Variants in NAALADL2 observed in about 807,000 individuals in gnomAD.
The protein encoded by NAALADL2 is inactive N-acetylated-alpha-linked acidic dipeptidase-like protein 2.
A neutral mutation model predicts 87.2 loss-of-function variants in NAALADL2; 76 were observed. The observed-to-expected ratio is 0.87, with a 90% confidence interval of 0.72 to 1.05. The LOEUF is 1.05. Among genes scored for constraint, NAALADL2 ranks in the 50% least tolerant of loss-of-function variants. The pLI is 0.00. For synonymous variants in NAALADL2, 354 were observed against 331.0 expected (o/e 1.07, Z -0.75); for missense variants, 1,089 against 945.8 (o/e 1.15, Z -1.99).
At chr3:174,974,406 G>A (rs1744094872) in intron 1 of NAALADL2, among the ~76,000 whole-genome samples, 1 of 152,148 alleles carries the variant, frequency 6.6e-6, no homozygotes, top group African/African-American at 2.4e-5. Context: ...TACAAGCAAT[G>A]CTTCTTATTT....
intron 2 of NAALADL2, among the ~76,000 whole-genome samples, chr3:174,706,226 G>A (rs909233171): frequency 6.6e-6 from 1 of 152,114 alleles, no homozygotes; most frequent in Admixed American, 6.5e-5. Flanking sequence ...TTCAAAAAAT[G>A]GTGCTGGGGC....
At chr3:175,447,189 T>C in intron 5 of NAALADL2, 40 bp from the exon 6 acceptor site, 1 of 1,405,196 alleles carries the variant, frequency 7.1e-7, no homozygotes, top group Non-Finnish European at 9.5e-7. Context: ...TTTAAATTTC[T>C]GTTTACTAAG....
At chr3:174,514,323 G>A (rs1445699371) in intron 1 of NAALADL2, among the ~76,000 whole-genome samples, 1 of 151,880 alleles carries the variant, frequency 6.6e-6, no homozygotes, top group East Asian at 1.9e-4. Context: ...CATAGTCTGA[G>A]GCAAGAGCAA....
intron 2 of NAALADL2, among the ~76,000 whole-genome samples, chr3:174,732,463 A>G (rs1360688046): frequency 6.6e-6 from 1 of 152,126 alleles, no homozygotes; most frequent in Non-Finnish European, 1.5e-5. Context: ...AAATCTATGG[A>G]AATGTTGAGT....
chr3:174,629,651 C>T (rs1200624352), intron 2 of NAALADL2, among the ~76,000 whole-genome samples: 2 of 152,210 alleles, frequency 1.3e-5, no homozygotes, highest in Non-Finnish European at 2.9e-5. Context: ...AATCCTAAAT[C>T]TGATACCGTT....
intron 2 of NAALADL2, among the ~76,000 whole-genome samples, chr3:174,621,814 C>T (rs1404734770): frequency 6.6e-6 from 1 of 152,034 alleles, no homozygotes; most frequent in Non-Finnish European, 1.5e-5. Context: ...TGACTGTTGG[C>T]AAAAGAGTCA....
chr3:174,680,447 C>T (rs1336160888), intron 2 of NAALADL2, among the ~76,000 whole-genome samples: 1 of 152,142 alleles, frequency 6.6e-6, no homozygotes, highest in Non-Finnish European at 1.5e-5. Context: ...AGCTTACTCC[C>T]ACATAGAATG....
At position 174,952,110 on chromosome 3, in the gene NAALADL2, T is replaced by C. The variant is rs182536011; in HGVS notation, c.43+92660T>C. On this transcript the variant is annotated intron_variant, in intron 1 of 13. Coordinates refer to ENST00000454872, the MANE Select transcript of NAALADL2 (RefSeq NM_207015.3). Reference sequence around the variant, plus strand: ...TTTTATTTGCTACATACTACATCTTTGGTACAACTAAATCTCCAGACCCGT... The same window carrying C: ...TTTTATTTGCTACATACTACATCTTCGGTACAACTAAATCTCCAGACCCGT... Among the ~76,000 whole-genome samples, 48 of 152,302 alleles carry C rather than the reference T, an allele frequency of 3.2e-4. 1 individual carries two copies. The highest frequency in any genetic ancestry group is 1.1e-3 in the Admixed American group (17 of 15,276).
At chr3:175,309,923 T>C (rs1758160992) in intron 4 of NAALADL2, among the ~76,000 whole-genome samples, 1 of 152,198 alleles carries the variant, frequency 6.6e-6, no homozygotes, top group Non-Finnish European at 1.5e-5. Flanking sequence ...CATGTCTCTC[T>C]TAATTGCTGG....
chr3:175,249,003 G>A (rs1483640198), intron 3 of NAALADL2, among the ~76,000 whole-genome samples: 1 of 151,848 alleles, frequency 6.6e-6, no homozygotes, highest in Non-Finnish European at 1.5e-5. Flanking sequence ...TTTTGGTCTA[G>A]AGTCAATGTT....
chr3:174,874,206 A>C (rs1324593007), intron 1 of NAALADL2, among the ~76,000 whole-genome samples: 1 of 152,170 alleles, frequency 6.6e-6, no homozygotes, highest in Non-Finnish European at 1.5e-5. Context: ...ACCAGATGGC[A>C]CGTGAGTACA....
At chr3:174,956,768 A>C (rs1163039873) in intron 1 of NAALADL2, among the ~76,000 whole-genome samples, 1 of 151,984 alleles carries the variant, frequency 6.6e-6, no homozygotes. Context: ...GTCCTTTTGC[A>C]CTGGAGATTG....
At chr3:175,626,180 T>C (rs1467315160) in intron 10 of NAALADL2, among the ~76,000 whole-genome samples, 3 of 151,966 alleles carry the variant, frequency 2.0e-5, no homozygotes, top group Non-Finnish European at 4.4e-5. Context: ...TCTTTGTTTC[T>C]ATTGGTTCAT....
intron 3 of NAALADL2, among the ~76,000 whole-genome samples, chr3:175,244,414 G>T (rs1747570421): frequency 1.3e-5 from 2 of 150,560 alleles, no homozygotes; most frequent in Non-Finnish European, 3.0e-5. Flanking sequence ...CAACCAAATG[G>T]GTTCAAATAG....
intron 2 of NAALADL2, among the ~76,000 whole-genome samples, chr3:174,726,517 C>T (rs1011407836): frequency 2.0e-5 from 3 of 151,896 alleles, no homozygotes; most frequent in African/African-American, 7.3e-5. Context: ...CTTTTTGATG[C>T]TCCTTTAAAT....
At position 175,013,286 on chromosome 3, in the gene NAALADL2, TATATATATATATATA is replaced by T. The variant is rs1296827887; in HGVS notation, c.44-83503_44-83489del. Among the ~76,000 whole-genome samples, 149 of 85,508 alleles carry T rather than the reference TATATATATATATATA, an allele frequency of 1.7e-3. 6 individuals carry two copies. The highest frequency in any genetic ancestry group is 9.6e-3 in the African/African-American group (145 of 15,160). The allele number at this position is 85,508 out of a possible 152,430, so 56.1% of individuals were successfully genotyped here. A position where few individuals can be genotyped will look rare whatever the true frequency, so the allele number is the denominator to read the frequency against. On this transcript the variant is annotated intron_variant, in intron 1 of 13. Coordinates refer to ENST00000454872, the MANE Select transcript of NAALADL2 (RefSeq NM_207015.3). ...ATATTTTTATATATATACATATATA[TATATATATATATATA>T]TTTTTTTTTTTTTTTGAGACAGGGT...
At chr3:174,466,371 A>G (rs1299090727) in intron 1 of NAALADL2, among the ~76,000 whole-genome samples, 2 of 151,286 alleles carry the variant, frequency 1.3e-5, no homozygotes, top group Non-Finnish European at 2.9e-5. Context: ...GTCCCAGGGA[A>G]GCCAAAAGAT....
In NAALADL2 at chr3:175,248,170, A is replaced by G. The variant is rs574046594; in HGVS notation, c.820-8241A>G. Among the ~76,000 whole-genome samples the G allele has an allele frequency of 2.0e-5, 3 of 152,292 alleles. No homozygotes were observed. In the South Asian group the frequency reaches 6.2e-4, roughly 32 times the overall value. On this transcript the variant is annotated intron_variant, in intron 3 of 13. Transcript: ENST00000454872. ...TCCGGATTACAGAGTCAGGCTGTCA[A>G]TCTTTGAATTACTGTTCTACTATTT...
chr3:175,408,438 C>T (rs1712846133), intron 5 of NAALADL2, among the ~76,000 whole-genome samples: 2 of 151,928 alleles, frequency 1.3e-5, no homozygotes, highest in Admixed American at 1.3e-4. Context: ...AAAATTTAAA[C>T]ATATATAAAA....
Sources: allele counts gnomAD v4.1 joint callset (sites outside exome capture counted in the v4.1 genomes callset), GRCh38; gene constraint gnomAD v4.1.1; transcripts MANE v1.5; gene names NCBI Gene and HGNC (gene_info 2026-07-23, HGNC 2026-07-21).